PTPRD: variants seen among roughly 807,000 people sequenced by gnomAD.
PTPRD encodes the protein protein tyrosine phosphatase receptor type D, also known as receptor-type tyrosine-protein phosphatase delta.
Under a neutral mutation model 214.5 loss-of-function variants are expected in PTPRD, and 34 were observed. The ratio of observed to expected loss-of-function variants is 0.16; its 90% CI spans 0.12 to 0.21. The LOEUF is 0.21. Among genes scored for constraint, PTPRD ranks in the 10% least tolerant of loss-of-function variants. The probability of loss-of-function intolerance (pLI) is 1.00; values close to 1 mark genes in which losing one functional copy is unlikely to be tolerated. For missense variants in PTPRD, 2,545 were observed against 2,398.7 expected, an observed-to-expected ratio of 1.06 and a Z score of -1.27; for synonymous variants, 1,128 against 845.7, an observed-to-expected ratio of 1.33 and a Z score of -5.79.
At chr9:8,574,394 A>T (rs534525804) in intron 14 of PTPRD, among the ~76,000 whole-genome samples, 1 of 152,086 alleles carries the variant, frequency 6.6e-6, no homozygotes, top group East Asian at 1.9e-4. Context: ...GAACATTTTA[A>T]TTCATGATGA....
At chr9:8,724,304 T>C (rs1248978853) in intron 12 of PTPRD, among the ~76,000 whole-genome samples, 6 of 152,226 alleles carry the variant, frequency 3.9e-5, no homozygotes, top group Non-Finnish European at 7.3e-5. Flanking sequence ...TTTAACAATC[T>C]GTTGGTGGTT....
chr9:8,445,539 G>A (rs1056360419), intron 34 of PTPRD, among the ~76,000 whole-genome samples: 10 of 152,074 alleles, frequency 6.6e-5, no homozygotes, highest in African/African-American at 2.4e-4. Context: ...CACAAAAAAT[G>A]ATAAATGTTC....
At chr9:9,930,541 A>G (rs914150040) in intron 5 of PTPRD, among the ~76,000 whole-genome samples, 3 of 152,318 alleles carry the variant, frequency 2.0e-5, no homozygotes, top group East Asian at 3.9e-4. Flanking sequence ...GAACTGCAGA[A>G]AAAGCATTGA....
chr9:9,419,220 T>C (rs2077949971), intron 8 of PTPRD, among the ~76,000 whole-genome samples: 1 of 150,006 alleles, frequency 6.7e-6, no homozygotes, highest in Admixed American at 6.7e-5. Flanking sequence ...ATCTGTAACA[T>C]AATGACATAT....
chr9:8,543,227 G>T (rs1007497021), intron 14 of PTPRD, among the ~76,000 whole-genome samples: 1 of 152,108 alleles, frequency 6.6e-6, no homozygotes, highest in African/African-American at 2.4e-5. Flanking sequence ...TCGTTTAGTT[G>T]TAATAGACTG....
At chr9:8,521,686 CTG>C in intron 19 of PTPRD, 140 bp from the exon 20 acceptor site, 1 of 925,820 alleles carries the variant, frequency 1.1e-6, no homozygotes, top group Admixed American at 2.7e-5. Context: ...TAAAGAAAAA[CTG>C]TGGATAATAC....
chr9:8,965,925 AC>A (rs1311112844), intron 11 of PTPRD, among the ~76,000 whole-genome samples: 3 of 152,148 alleles, frequency 2.0e-5, no homozygotes, highest in Non-Finnish European at 4.4e-5. Flanking sequence ...GAACTGATAA[AC>A]AATTTTAGCA....
chr9:9,340,834 A>T (rs1337232636), intron 9 of PTPRD, among the ~76,000 whole-genome samples: 5 of 152,200 alleles, frequency 3.3e-5, no homozygotes, highest in Admixed American at 3.3e-4. Context: ...ATTTTTCATG[A>T]GCTGTTACAT....
At chr9:10,589,953 C>T (rs2075013461) in intron 2 of PTPRD, among the ~76,000 whole-genome samples, 2 of 152,010 alleles carry the variant, frequency 1.3e-5, no homozygotes, top group South Asian at 4.1e-4. Flanking sequence ...ATTAATATGA[C>T]TCCATTTGTA....
At chr9:9,936,300 A>C (rs1188679050) in intron 5 of PTPRD, among the ~76,000 whole-genome samples, 5 of 151,690 alleles carry the variant, frequency 3.3e-5, no homozygotes, top group Non-Finnish European at 5.9e-5. Context: ...CAACCTAAAA[A>C]ATGGGAGAAA....
intron 33 of PTPRD, among the ~76,000 whole-genome samples, chr9:8,451,455 G>C (rs1376778849): frequency 6.6e-6 from 1 of 152,100 alleles, no homozygotes; most frequent in African/African-American, 2.4e-5. Flanking sequence ...AAGACAAAGG[G>C]CTGGTGAAAA....
chr9:9,495,555 G>T (rs1277302801), intron 8 of PTPRD, among the ~76,000 whole-genome samples: 1 of 147,656 alleles, frequency 6.8e-6, no homozygotes, highest in African/African-American at 2.7e-5. Context: ...GGACCTCAGG[G>T]AGATGGCTGG....
At chr9:10,096,663 C>T (rs2098489725) in intron 3 of PTPRD, among the ~76,000 whole-genome samples, 4 of 151,924 alleles carry the variant, frequency 2.6e-5, no homozygotes, top group South Asian at 2.1e-4. Flanking sequence ...GAGTAGGTTG[C>T]AAAAATTCTC....
At chr9:9,297,475 T>C (rs182241529) in intron 9 of PTPRD, among the ~76,000 whole-genome samples, 2 of 151,626 alleles carry the variant, frequency 1.3e-5, no homozygotes, top group Non-Finnish European at 3.0e-5. Flanking sequence ...CCAATAAATA[T>C]CACCAAAATT....
At chr9:9,720,300 C>A (rs2154432040) in intron 7 of PTPRD, among the ~76,000 whole-genome samples, 2 of 152,252 alleles carry the variant, frequency 1.3e-5, no homozygotes, top group South Asian at 4.1e-4. Flanking sequence ...ACAGAGATTG[C>A]AAATTGTCAA....
intron 8 of PTPRD, among the ~76,000 whole-genome samples, chr9:9,494,122 T>A (rs1299369266): frequency 6.6e-6 from 1 of 152,170 alleles, no homozygotes; most frequent in Admixed American, 6.5e-5. Context: ...ACTGAACTGC[T>A]ACAACCTCAT....
intron 3 of PTPRD, among the ~76,000 whole-genome samples, chr9:10,074,696 A>C (rs2098101868): frequency 6.6e-6 from 1 of 152,130 alleles, no homozygotes; most frequent in Admixed American, 6.6e-5. Context: ...ATTTAGAGGA[A>C]AGAGTGGGCT....
chr9:8,848,331 T>TAG (rs2097744944), intron 11 of PTPRD, among the ~76,000 whole-genome samples: 1 of 143,938 alleles, frequency 6.9e-6, no homozygotes, highest in Non-Finnish European at 1.5e-5. Flanking sequence ...TTTTTTTTTT[T>TAG]TTTTTTTAGT....
chr9:10,328,443 A>C (rs149497276), intron 3 of PTPRD, among the ~76,000 whole-genome samples: 46 of 151,862 alleles, frequency 3.0e-4, no homozygotes, highest in African/African-American at 1.1e-3. Flanking sequence ...ATTTGAGAGT[A>C]TAGAAATCAT....
Sources: allele counts gnomAD v4.1 joint callset (sites outside exome capture counted in the v4.1 genomes callset), GRCh38; gene constraint gnomAD v4.1.1; transcripts MANE v1.5; gene names NCBI Gene and HGNC (gene_info 2026-07-23, HGNC 2026-07-21).